The following FRK variants were observed in gnomAD, a reference collection of about 807,000 sequenced individuals.
The protein encoded by FRK is tyrosine-protein kinase FRK.
In FRK, 51 loss-of-function variants were observed where a neutral mutation model predicts 56.4. That is an observed-to-expected ratio of 0.90 (90% CI 0.72 to 1.14). FRK has a LOEUF of 1.14. Among genes scored for constraint, FRK ranks in the 50% most tolerant of loss-of-function variants. The pLI is 0.00. For synonymous variants in FRK, 245 were observed against 217.9 expected (o/e 1.12, Z -1.10); for missense variants, 570 against 601.4 (o/e 0.95, Z 0.55).
At position 115,945,120 on chromosome 6, in the gene FRK, G is replaced by A. The variant is rs1337091995; in HGVS notation, c.959-695C>T. Among the ~76,000 whole-genome samples, 3 of 152,078 alleles carry A rather than the reference G, an allele frequency of 2.0e-5. No individual in the cohort carries two copies. The East Asian group carries it at 5.8e-4, about 29-fold the overall frequency. ...TCTTTATCCATTCTACCATTGATGG[G>A]CATTTAGGTTAATTCCATGTCTTTG... On this transcript the variant is annotated intron_variant, in intron 5 of 7. Coordinates refer to ENST00000606080, the MANE Select transcript of FRK (RefSeq NM_002031.3).
At chr6:116,092,832 A>G in the FRK span, among the ~76,000 whole-genome samples, 1 of 152,158 alleles carries the variant, frequency 6.6e-6, no homozygotes, top group Non-Finnish European at 1.5e-5. Flanking sequence ...TCACATGGGA[A>G]ACACTCAGTC....
chr6:115,952,193 T>C (rs886481891), intron 5 of FRK, among the ~76,000 whole-genome samples: 1 of 152,176 alleles, frequency 6.6e-6, no homozygotes, highest in Non-Finnish European at 1.5e-5. Flanking sequence ...TTTAATTAGA[T>C]CCCATTTGTC....
chr6:115,967,612 G>T lies in FRK; in HGVS notation c.738C>A (p.Gly246=), dbSNP rs145460225. The T allele has an allele frequency of 6.2e-7, 1 of 1,613,450 alleles. No individual in the cohort carries two copies. The highest frequency in any genetic ancestry group is 1.7e-5 in the Admixed American group (1 of 59,958). ...LLKRLGSGQF[G]EVWEGLWNNT... is the part of the protein sequence containing the mutation. The stretch of plus-strand genomic sequence containing the variant: ...TGTTCCACAGACCTTCCCATACTTC[G>T]CCAAACTGACCAGATCCCAATCGCT... The change falls in exon 4 of 8, where the codon GGC becomes GGA. Residue 246 remains glycine (G), a synonymous_variant. Transcript: ENST00000606080.
At position 115,956,540 on chromosome 6, in the gene FRK, G is replaced by A; in HGVS notation, c.870C>T (p.Ile290=). 6.3e-7 allele frequency: 1 copy of A among 1,593,786 alleles called. No homozygotes were observed. Among genetic ancestry groups the A allele is most frequent in the Non-Finnish European group, 8.5e-7 (1 of 1,170,038 alleles). Residue 290 remains isoleucine, a synonymous_variant, in exon 5 of 8, where the codon ATC becomes ATT. Coordinates refer to ENST00000606080, the MANE Select transcript of FRK (RefSeq NM_002031.3). ...IMKNLRHPKL[I]QLYAVCTLED... ...CTAAAGTGCAAACAGCATAAAGCTG[G>A]ATAAGCTTTGGATGTCTTAGGTTCT... is the stretch of plus-strand genomic sequence containing the variant.
chr6:116,061,251 T>C (rs1039798929), upstream of FRK, among the ~76,000 whole-genome samples: 12 of 152,184 alleles, frequency 7.9e-5, no homozygotes, highest in African/African-American at 2.9e-4. Flanking sequence ...CACTCCCTTT[T>C]CTCATTACCA....
intron 1 of FRK, among the ~76,000 whole-genome samples, chr6:116,004,391 A>T (rs888850872): frequency 6.6e-6 from 1 of 151,712 alleles, no homozygotes; most frequent in African/African-American, 2.4e-5. Flanking sequence ...TTCCCCTAAC[A>T]CCTCTGAGCT....
intron 2 of FRK, among the ~76,000 whole-genome samples, chr6:115,980,241 G>C (rs72950162): frequency 6.6e-6 from 1 of 152,178 alleles, no homozygotes; most frequent in Non-Finnish European, 1.5e-5. Context: ...ATGTTCACTA[G>C]AGCATTTTTC....
intron 1 of FRK, among the ~76,000 whole-genome samples, chr6:116,037,065 C>A (rs1776513455): frequency 6.6e-6 from 1 of 152,164 alleles, no homozygotes; most frequent in Admixed American, 6.6e-5. Context: ...CCAAATGTAT[C>A]ACTGCTTTCT....
intron 2 of FRK, among the ~76,000 whole-genome samples, chr6:116,000,496 G>A (rs1238334231): frequency 6.6e-6 from 1 of 151,920 alleles, no homozygotes; most frequent in African/African-American, 2.4e-5. Flanking sequence ...ACCCAGCTCG[G>A]CCTCCCAAAG....
At chr6:116,048,971 A>G (rs1332726437) in intron 1 of FRK, among the ~76,000 whole-genome samples, 4 of 132,314 alleles carry the variant, frequency 3.0e-5, no homozygotes, top group South Asian at 4.4e-4. Context: ...ACATCCCTGC[A>G]CTTCTTTTTT....
chr6:116,097,865 T>C, the FRK span, among the ~76,000 whole-genome samples: 3 of 152,194 alleles, frequency 2.0e-5, no homozygotes, highest in Admixed American at 6.5e-5. Flanking sequence ...CAAGTTCATG[T>C]CCTTTACAGA....
chr6:116,091,284 T>A, the FRK span, among the ~76,000 whole-genome samples: 1 of 152,136 alleles, frequency 6.6e-6, no homozygotes, highest in Admixed American at 6.5e-5. Context: ...GTAAATGCAC[T>A]ATCAGCACTC....
chr6:116,096,470 G>A, the FRK span, among the ~76,000 whole-genome samples: 1 of 152,096 alleles, frequency 6.6e-6, no homozygotes, highest in African/African-American at 2.4e-5. Flanking sequence ...AGCACTCTGT[G>A]TCTAGCTAAA....
chr6:115,953,480 C>T (rs549296462), intron 5 of FRK, among the ~76,000 whole-genome samples: 155 of 152,270 alleles, frequency 1.0e-3, no homozygotes, highest in African/African-American at 3.5e-3. Flanking sequence ...TGAGCCACCG[C>T]GCCCGGCCCA....
chr6:115,972,687 T>C (rs1171021811), intron 2 of FRK, among the ~76,000 whole-genome samples: 3 of 152,256 alleles, frequency 2.0e-5, no homozygotes, highest in Non-Finnish European at 2.9e-5. Context: ...CTTCTACTTC[T>C]ATTGTGTCTT....
chr6:116,030,646 TTTGGGGAGGGTGTGGAAACCCTTCA>T (rs1186371346), intron 1 of FRK, among the ~76,000 whole-genome samples: 1 of 152,158 alleles, frequency 6.6e-6, no homozygotes, highest in African/African-American at 2.4e-5. Context: ...GGGTAGTGCA[TTTGGGGAGGGTGTGGAAACCCTTCA>T]TTGCTTTCCC....
intron 2 of FRK, among the ~76,000 whole-genome samples, chr6:115,973,612 G>A (rs947461894): frequency 7.9e-5 from 12 of 152,274 alleles, no homozygotes; most frequent in Non-Finnish European, 1.8e-4. Context: ...GCTCATGCCT[G>A]TAATCCCAGC....
At chr6:115,980,379 T>C (rs1333253317) in intron 2 of FRK, among the ~76,000 whole-genome samples, 1 of 152,022 alleles carries the variant, frequency 6.6e-6, no homozygotes, top group Non-Finnish European at 1.5e-5. Context: ...AATGGTAGGA[T>C]ACAAAATTAA....
At position 116,060,093 on chromosome 6, in the gene FRK, G is replaced by A. The variant is rs1777567524; in HGVS notation, c.219C>T (p.Asp73=). ...FRAGDKLQVL[D]TLHEGWWFAR... The stretch of plus-strand genomic sequence containing the variant: ...CAAACCACCAGCCCTCATGCAAAGT[G>A]TCCAGAACTTGAAGTTTGTCACCTG... Residue 73 remains aspartate (D), a synonymous_variant, in exon 1 of 8, where the codon GAC becomes GAT. Transcript: ENST00000606080. The A allele has an allele frequency of 1.9e-6, 3 of 1,614,154 alleles. No individual in the cohort carries two copies. The East Asian group carries it at 6.7e-5, about 36-fold the overall frequency.
Sources: gnomAD v4.1 joint callset for allele counts (sites outside exome capture counted in the v4.1 genomes callset) on GRCh38, gnomAD v4.1.1 for gene constraint, MANE v1.5 for transcripts, NCBI Gene and HGNC (gene_info 2026-07-23, HGNC 2026-07-21) for gene names.